Variants in AGBL4 observed in about 807,000 individuals in gnomAD.
The protein encoded by AGBL4 is cytosolic carboxypeptidase 6.
AGBL4 carries 58 observed loss-of-function variants against 66.4 expected under a neutral mutation model. The observed-to-expected ratio is 0.87, with a 90% CI of 0.71 to 1.09. The LOEUF (loss-of-function observed/expected upper bound fraction) is 1.09. Ranked by LOEUF, AGBL4 falls within the 50% of genes least tolerant of loss-of-function variation. The pLI, the probability that AGBL4 is intolerant of heterozygous loss-of-function variation, is 0.00. For missense variants in AGBL4, 579 were observed against 631.0 expected (o/e 0.92, Z 0.88); for synonymous variants, 234 against 222.9 (o/e 1.05, Z -0.44).
chr1:49,833,252 T>G (rs1217948555), intron 2 of AGBL4, among the ~76,000 whole-genome samples: 1 of 152,184 alleles, frequency 6.6e-6, no homozygotes, highest in East Asian at 1.9e-4. Flanking sequence ...TAATAGGGAA[T>G]CCTTTCCCCA....
At position 49,547,345 on chromosome 1, in the gene AGBL4, C is replaced by T. The variant is rs138504603; in HGVS notation, c.282+149968G>A. ...TGGGTTTATTTCTGGGATCTCTATT[C>T]TGTTCCATTGGCCTATGTACCTATT... On this transcript the variant is annotated intron_variant, in intron 3 of 13. Transcript: ENST00000371839. 7.7e-4 allele frequency among the ~76,000 whole-genome samples: 118 copies of T among 152,306 alleles called. 5 individuals are homozygous for T. The East Asian group carries it at 0.019, about 25-fold the overall frequency.
chr1:49,009,795 A>G (rs1246270019), intron 5 of AGBL4, among the ~76,000 whole-genome samples: 1 of 152,102 alleles, frequency 6.6e-6, no homozygotes, highest in Non-Finnish European at 1.5e-5. Flanking sequence ...TTATCTCAAT[A>G]GATGCAGAAA....
chr1:49,133,357 A>G (rs1404119744), intron 4 of AGBL4, among the ~76,000 whole-genome samples: 2 of 152,142 alleles, frequency 1.3e-5, no homozygotes, highest in African/African-American at 4.8e-5. Flanking sequence ...CCTATGTAAC[A>G]AACCTGCACA....
At chr1:48,745,308 TG>T (rs1199245781) in intron 6 of AGBL4, among the ~76,000 whole-genome samples, 1 of 152,178 alleles carries the variant, frequency 6.6e-6, no homozygotes, top group Non-Finnish European at 1.5e-5. Flanking sequence ...TAATCTTTCT[TG>T]GAGTCCGAGA....
At chr1:49,969,103 C>T (rs1325422510) in intron 1 of AGBL4, among the ~76,000 whole-genome samples, 1 of 152,128 alleles carries the variant, frequency 6.6e-6, no homozygotes, top group Non-Finnish European at 1.5e-5. Flanking sequence ...TATTTGAATT[C>T]GCAGAGCACA....
At chr1:49,852,158 T>C (rs1465506926) in intron 1 of AGBL4, among the ~76,000 whole-genome samples, 1 of 152,090 alleles carries the variant, frequency 6.6e-6, no homozygotes, top group African/African-American at 2.4e-5. Context: ...CTCAATTAAG[T>C]ACAAAATTAT....
At chr1:48,659,521 G>T (rs947479958) in intron 7 of AGBL4, among the ~76,000 whole-genome samples, 1 of 152,222 alleles carries the variant, frequency 6.6e-6, no homozygotes, top group Non-Finnish European at 1.5e-5. Flanking sequence ...TTCAATGAAA[G>T]TTGGCCCCAG....
intron 1 of AGBL4, chr1:49,995,255 C>A (rs1482186741): frequency 2.2e-6 from 1 of 455,600 alleles, no homozygotes; most frequent in Non-Finnish European, 4.4e-6. Context: ...GAGCCTGAGA[C>A]AAGTTTTCAG....
At chr1:49,018,661 T>G (rs1297263545) in intron 5 of AGBL4, among the ~76,000 whole-genome samples, 1 of 152,186 alleles carries the variant, frequency 6.6e-6, no homozygotes. Flanking sequence ...CTTTACCCCT[T>G]TGGTGGCTCT....
chr1:48,576,083 C>A (rs34928314), intron 11 of AGBL4, among the ~76,000 whole-genome samples: 1 of 152,052 alleles, frequency 6.6e-6, no homozygotes, highest in Non-Finnish European at 1.5e-5. Flanking sequence ...GGTCCTCAAG[C>A]CCCTGGCCAT....
At chr1:49,872,699 AT>A (rs1177504250) in intron 1 of AGBL4, among the ~76,000 whole-genome samples, 11 of 152,134 alleles carry the variant, frequency 7.2e-5, no homozygotes, top group Non-Finnish European at 1.5e-5. Context: ...GAGAGAATCT[AT>A]ATGGCAAATT....
At chr1:48,635,909 T>C (rs1265294804) in intron 8 of AGBL4, among the ~76,000 whole-genome samples, 1 of 152,234 alleles carries the variant, frequency 6.6e-6, no homozygotes, top group African/African-American at 2.4e-5. Context: ...TCATTTGCCA[T>C]TACAACATGA....
chr1:50,019,306 T>TCTCTCTCTCTCTCACA (rs1167835143), intron 1 of AGBL4, among the ~76,000 whole-genome samples: 57 of 48,428 alleles, frequency 1.2e-3, no homozygotes, highest in Non-Finnish European at 1.4e-3. Context: ...TCTCTCTCTC[T>TCTCTCTCTCTCTCACA]CACACACACA....
At chr1:49,082,753 G>A (rs1398928716) in intron 4 of AGBL4, among the ~76,000 whole-genome samples, 2 of 152,054 alleles carry the variant, frequency 1.3e-5, no homozygotes, top group Admixed American at 6.5e-5. Flanking sequence ...GTCCCCCAAA[G>A]TCTTAACTCA....
chr1:49,280,869 C>A (rs1372780744), intron 3 of AGBL4, among the ~76,000 whole-genome samples: 1 of 151,936 alleles, frequency 6.6e-6, no homozygotes. Flanking sequence ...AATAAAAAAC[C>A]AGTAAATAAA....
chr1:49,964,044 T>C (rs1657346866), intron 1 of AGBL4, among the ~76,000 whole-genome samples: 1 of 152,074 alleles, frequency 6.6e-6, no homozygotes, highest in Non-Finnish European at 1.5e-5. Context: ...ACTTCAAGGG[T>C]CCAAATATCA....
intron 2 of AGBL4, among the ~76,000 whole-genome samples, chr1:49,740,634 G>T (rs1405691858): frequency 1.3e-5 from 2 of 152,034 alleles, no homozygotes; most frequent in African/African-American, 4.8e-5. Flanking sequence ...TTCCAAAATT[G>T]ACCATATAGT....
At chr1:49,429,497 C>G (rs74928438) in intron 3 of AGBL4, among the ~76,000 whole-genome samples, 2 of 152,260 alleles carry the variant, frequency 1.3e-5, no homozygotes, top group Non-Finnish European at 2.9e-5. Flanking sequence ...TCTTCAAATA[C>G]TAAAATCAGC....
chr1:49,907,326 T>C (rs955418640), intron 1 of AGBL4, among the ~76,000 whole-genome samples: 1 of 152,150 alleles, frequency 6.6e-6, no homozygotes, highest in Admixed American at 6.5e-5. Context: ...AAAGAAACAT[T>C]AAGTATACCA....
Sources: allele counts gnomAD v4.1 joint callset (sites outside exome capture counted in the v4.1 genomes callset), GRCh38; gene constraint gnomAD v4.1.1; transcripts MANE v1.5; gene names NCBI Gene and HGNC (gene_info 2026-07-23, HGNC 2026-07-21).